Variants in ELOC observed in about 807,000 individuals in gnomAD.
ELOC encodes the protein elongin-C.
For missense variants in ELOC, 38 were observed against 139.0 expected (o/e 0.27, Z 3.65); for synonymous variants, 40 against 51.3 (o/e 0.78, Z 0.94).
rs61094442 is a variant in ELOC at position 73,964,093 on chromosome 8, C to CAAAAA, written c.-50-4280_-50-4276dup. On this transcript the variant is annotated intron_variant, in intron 1 of 3. Coordinates refer to ENST00000520242, the MANE Select transcript of ELOC (RefSeq NM_005648.4). ...GGGCGATAAGAGTGAAATTCCGTCT[C>CAAAAA]AAAAAAAAAAAAAAAAAAAAGTATT... Among the ~76,000 whole-genome samples the CAAAAA allele has an allele frequency of 3.5e-3, 279 of 79,530 alleles. 18 individuals are homozygous for CAAAAA. Among genetic ancestry groups the CAAAAA allele is most frequent in the African/African-American group, 5.3e-3 (101 of 19,198 alleles). The allele number at this position is 79,530 out of a possible 152,430, so 52.2% of individuals were successfully genotyped here.
chr8:73,957,452 T>C (rs1319700048), intron 2 of ELOC, among the ~76,000 whole-genome samples: 2 of 152,130 alleles, frequency 1.3e-5, no homozygotes, highest in African/African-American at 2.4e-5. Context: ...ATTATTAACA[T>C]GTGAAATAAA....
intron 1 of ELOC, 74 bp from the exon 2 acceptor site, chr8:73,959,892 C>T: frequency 1.3e-6 from 1 of 759,274 alleles, no homozygotes; most frequent in South Asian, 2.9e-5. Flanking sequence ...ATTTAATGTC[C>T]TTGGTGTTAA....
intron 3 of ELOC, among the ~76,000 whole-genome samples, chr8:73,949,237 A>G (rs1813594023): frequency 6.6e-6 from 1 of 152,212 alleles, no homozygotes; most frequent in Admixed American, 6.6e-5. Context: ...AGCAGGGAGA[A>G]AGGAGTACTG....
chr8:73,962,983 A>G (rs186387234), intron 1 of ELOC, among the ~76,000 whole-genome samples: 22 of 152,364 alleles, frequency 1.4e-4, no homozygotes, highest in Admixed American at 2.6e-4. Flanking sequence ...CAGCTTGAAC[A>G]TGTATTCCAT....
intron 3 of ELOC, among the ~76,000 whole-genome samples, chr8:73,953,871 C>T (rs969776683): frequency 6.6e-6 from 1 of 152,104 alleles, no homozygotes; most frequent in Non-Finnish European, 1.5e-5. Flanking sequence ...AGCAGGTATT[C>T]AAACAATTAT....
chr8:73,961,570 G>A (rs766792178), intron 1 of ELOC, among the ~76,000 whole-genome samples: 12 of 151,846 alleles, frequency 7.9e-5, no homozygotes, highest in Non-Finnish European at 1.8e-4. Flanking sequence ...CTGGAGTGCA[G>A]AAGCACGATC....
intron 2 of ELOC, among the ~76,000 whole-genome samples, chr8:73,959,283 T>C (rs1450978728): frequency 1.3e-5 from 2 of 152,160 alleles, no homozygotes; most frequent in Non-Finnish European, 2.9e-5. Flanking sequence ...ATAGCTTATT[T>C]CTGCCTCGAA....
At chr8:73,963,626 A>G (rs918896307) in intron 1 of ELOC, among the ~76,000 whole-genome samples, 8 of 152,206 alleles carry the variant, frequency 5.3e-5, no homozygotes, top group African/African-American at 9.6e-5. Context: ...TCTGTTCTTC[A>G]TATCTTTTTG....
At chr8:73,961,599 T>C (rs567565894) in intron 1 of ELOC, among the ~76,000 whole-genome samples, 1 of 152,082 alleles carries the variant, frequency 6.6e-6, no homozygotes, top group Non-Finnish European at 1.5e-5. Context: ...CAGCAACCTC[T>C]GCCTCCCAGG....
intron 1 of ELOC, among the ~76,000 whole-genome samples, chr8:73,970,033 T>A (rs1815248103): frequency 6.6e-6 from 1 of 152,222 alleles, no homozygotes; most frequent in African/African-American, 2.4e-5. Flanking sequence ...TTCATGCCTG[T>A]TATTCCAGCA....
intron 1 of ELOC, among the ~76,000 whole-genome samples, chr8:73,963,732 C>T (rs1237130390): frequency 6.6e-6 from 1 of 152,026 alleles, no homozygotes; most frequent in Non-Finnish European, 1.5e-5. Context: ...GTAAAATATC[C>T]ATAAAAATCC....
chr8:73,956,450 T>C (rs146672407), intron 2 of ELOC, among the ~76,000 whole-genome samples: 6 of 152,298 alleles, frequency 3.9e-5, no homozygotes, highest in African/African-American at 1.4e-4. Context: ...GAAGAACTCA[T>C]ACCAGAAACA....
At chr8:73,961,669 G>A (rs556881746) in intron 1 of ELOC, among the ~76,000 whole-genome samples, 1 of 151,778 alleles carries the variant, frequency 6.6e-6, no homozygotes, top group East Asian at 2.0e-4. Flanking sequence ...GTCTGTCACC[G>A]TGCCTGGCTA....
intron 1 of ELOC, among the ~76,000 whole-genome samples, chr8:73,965,536 T>C (rs1814915144): frequency 6.6e-6 from 1 of 152,232 alleles, no homozygotes; most frequent in African/African-American, 2.4e-5. Flanking sequence ...GTATACATTG[T>C]ATTATCCGAT....
chr8:73,958,093 T>A (rs1200601331), intron 2 of ELOC, among the ~76,000 whole-genome samples: 8 of 42,414 alleles, frequency 1.9e-4, no homozygotes, highest in Non-Finnish European at 4.1e-4. Flanking sequence ...TTATTTATGG[T>A]TTTTTTTTTT....
At chr8:73,961,444 G>A (rs1814586789) in intron 1 of ELOC, among the ~76,000 whole-genome samples, 1 of 152,140 alleles carries the variant, frequency 6.6e-6, no homozygotes, top group African/African-American at 2.4e-5. Context: ...CGACAGAGCA[G>A]GAGCAGAAAT....
chr8:73,963,918 C>T (rs966613705), intron 1 of ELOC, among the ~76,000 whole-genome samples: 2 of 151,828 alleles, frequency 1.3e-5, no homozygotes, highest in African/African-American at 4.8e-5. Context: ...CATGGTGAAA[C>T]CCCGTCTCCA....
At chr8:73,953,519 T>C (rs1813918305) in intron 3 of ELOC, among the ~76,000 whole-genome samples, 1 of 150,044 alleles carries the variant, frequency 6.7e-6, no homozygotes, top group African/African-American at 2.5e-5. Context: ...TCCACTAAAA[T>C]ACAAAATTAG....
intron 1 of ELOC, among the ~76,000 whole-genome samples, chr8:73,965,024 TCAAAAA>T (rs1240510239): frequency 2.3e-5 from 1 of 43,614 alleles, no homozygotes; most frequent in Non-Finnish European, 4.2e-5. Flanking sequence ...AGACACTGTC[TCAAAAA>T]CAAACCAAAA....
Sources: gnomAD v4.1 joint callset for allele counts (sites outside exome capture counted in the v4.1 genomes callset) on GRCh38, gnomAD v4.1.1 for gene constraint, MANE v1.5 for transcripts, NCBI Gene and HGNC (gene_info 2026-07-23, HGNC 2026-07-21) for gene names.